The following RBFOX1 variants were observed in gnomAD, a reference collection of about 807,000 sequenced individuals.
RBFOX1 encodes RNA binding fox-1 homolog 1, also known as RNA binding protein fox-1 homolog 1.
RBFOX1 carries 8 observed loss-of-function variants against 57.7 expected under a neutral mutation model. The observed-to-expected ratio is 0.14, with a 90% confidence interval of 0.08 to 0.25. RBFOX1 has a LOEUF of 0.25. RBFOX1 is among the 10% of genes least tolerant of loss of function. The pLI is 1.00. For missense variants in RBFOX1, 611 were observed against 548.5 expected (o/e 1.11, Z -1.14); for synonymous variants, 326 against 222.4 (o/e 1.47, Z -4.15).
intron 2 of RBFOX1, among the ~76,000 whole-genome samples, chr16:6,607,411 C>G (rs944639304): frequency 2.8e-5 from 2 of 72,092 alleles, no homozygotes; most frequent in African/African-American, 1.0e-4. Context: ...GTCTTTCAGT[C>G]TCTCTCCTCT....
intron 4 of RBFOX1, among the ~76,000 whole-genome samples, chr16:7,217,919 A>C (rs1004516836): frequency 6.8e-5 from 10 of 147,464 alleles, no homozygotes; most frequent in Non-Finnish European, 1.5e-4. Flanking sequence ...TGTGTGTGTG[A>C]GTGTAGGTGT....
rs189056512 is a variant in RBFOX1 at position 7,577,156 on chromosome 16, C to T, written c.271-2621C>T. On this transcript the variant is annotated intron_variant, in intron 5 of 15. Coordinates refer to ENST00000550418, the MANE Select transcript of RBFOX1 (RefSeq NM_018723.4). ...TTTATTCGTGTACTAATAATTCATT[C>T]GGTCAGTGAGTGAGCCAACTGTTAA... Among the ~76,000 whole-genome samples the T allele has an allele frequency of 5.3e-5, 8 of 152,310 alleles. No homozygotes were observed. In the East Asian group the frequency reaches 9.6e-4, roughly 18 times the overall value.
chr16:6,961,437 C>G (rs909935036), intron 3 of RBFOX1, among the ~76,000 whole-genome samples: 1 of 152,158 alleles, frequency 6.6e-6, no homozygotes, highest in Admixed American at 6.5e-5. Flanking sequence ...AAGATTGTTG[C>G]TTTTGTTATC....
intron 2 of RBFOX1, among the ~76,000 whole-genome samples, chr16:5,470,160 C>G (rs932650925): frequency 5.9e-5 from 9 of 152,222 alleles, no homozygotes; most frequent in African/African-American, 1.7e-4. Context: ...GCCGAGGTCT[C>G]AAGCCTGCAA....
At chr16:6,770,476 A>C (rs1008028723) in intron 3 of RBFOX1, among the ~76,000 whole-genome samples, 2 of 152,230 alleles carry the variant, frequency 1.3e-5, no homozygotes, top group African/African-American at 4.8e-5. Flanking sequence ...GCTTTTGGGT[A>C]CCACGGCAGA....
At chr16:6,188,558 A>G (rs1461666258) in intron 1 of RBFOX1, among the ~76,000 whole-genome samples, 1 of 152,212 alleles carries the variant, frequency 6.6e-6, no homozygotes, top group Admixed American at 6.5e-5. Flanking sequence ...TGAGGAAAAC[A>G]AAATAACAAT....
rs537465602 is a variant in RBFOX1, at chr16:5,436,855, T to C, written c.220-30361T>C. ...TCCGCTTCAAAAAAAAAAAAAGTTC[T>C]GTCAGATAACTTAAATTTTTGCCTT... is the stretch of plus-strand genomic sequence containing the variant. On this transcript the variant is annotated intron_variant, in intron 1 of 2. Transcript: ENST00000585867. Among the ~76,000 whole-genome samples the C allele has an allele frequency of 2.6e-5, 4 of 152,190 alleles. No homozygotes were observed. In the East Asian group the frequency reaches 5.8e-4, roughly 22 times the overall value.
chr16:7,630,732 C>T (rs1568184976), intron 11 of RBFOX1, 49 bp downstream of exon 11: 1 of 1,610,398 alleles, frequency 6.2e-7, no homozygotes, highest in East Asian at 2.2e-5. Flanking sequence ...AAATCTGAGT[C>T]CAATCACCTT....
At chr16:5,386,000 G>C (rs570298358) in intron 1 of RBFOX1, among the ~76,000 whole-genome samples, 2 of 152,194 alleles carry the variant, frequency 1.3e-5, no homozygotes, top group South Asian at 4.2e-4. Flanking sequence ...GGAAATGAAT[G>C]CCTCTTTTAA....
chr16:5,649,101 A>G (rs1051469312), intron 3 of RBFOX1, among the ~76,000 whole-genome samples: 10 of 152,134 alleles, frequency 6.6e-5, no homozygotes, highest in African/African-American at 2.2e-4. Flanking sequence ...AGATACATAA[A>G]AGCGATTATA....
intron 3 of RBFOX1, among the ~76,000 whole-genome samples, chr16:6,941,265 T>C (rs11866985): frequency 0.95 from 100,510 of 106,256 alleles, 47,735 homozygotes; most frequent in East Asian, 1. Context: ...CCCTCCCATT[T>C]CCTCTCTCCC....
chr16:6,989,334 C>G (rs907554883), intron 3 of RBFOX1, among the ~76,000 whole-genome samples: 2 of 152,158 alleles, frequency 1.3e-5, no homozygotes, highest in Admixed American at 6.5e-5. Context: ...TTCTCTCTGT[C>G]TATCTGTATC....
In RBFOX1 at chr16:5,890,697, GAAAAAAAA is replaced by G. The variant is rs71404558; in HGVS notation, c.351+23379_351+23386del. On this transcript the variant is annotated intron_variant, in intron 4 of 19. Coordinates refer to the RBFOX1 transcript ENST00000641259. ...GGGTGACAGACAGAGAGTCTGTATT[GAAAAAAAA>G]AAAAAAAAAAAAAAAAGTGAAGGTG... Among the ~76,000 whole-genome samples the G allele has an allele frequency of 2.0e-4, 12 of 61,468 alleles. 1 individual carries two copies. Among genetic ancestry groups the G allele is most frequent in the South Asian group, 8.3e-4 (1 of 1,202 alleles). 40.3% of individuals were successfully genotyped at this position (61,468 alleles called of 152,430 possible).
chr16:6,353,842 C>T (rs190252917), intron 2 of RBFOX1, among the ~76,000 whole-genome samples: 1 of 152,164 alleles, frequency 6.6e-6, no homozygotes, highest in Non-Finnish European at 1.5e-5. Context: ...TGACACGTTC[C>T]TGGGCTCTGG....
intron 4 of RBFOX1, among the ~76,000 whole-genome samples, chr16:7,288,334 A>G (rs1228265026): frequency 6.6e-6 from 1 of 152,222 alleles, no homozygotes; most frequent in African/African-American, 2.4e-5. Context: ...TAGAAGATTC[A>G]AGGTGAGAAA....
intron 1 of RBFOX1, among the ~76,000 whole-genome samples, chr16:6,290,815 G>T (rs115729058): frequency 2.6e-5 from 4 of 152,020 alleles, no homozygotes; most frequent in Non-Finnish European, 4.4e-5. Flanking sequence ...CCAGAAAGGG[G>T]TCCAAATCCA....
intron 2 of RBFOX1, among the ~76,000 whole-genome samples, chr16:6,319,214 T>C (rs1367149616): frequency 6.6e-6 from 1 of 152,168 alleles, no homozygotes; most frequent in Non-Finnish European, 1.5e-5. Context: ...TTGTGAAGAA[T>C]GCCATATTTT....
intron 1 of RBFOX1, among the ~76,000 whole-genome samples, chr16:5,298,046 A>G (rs998659937): frequency 5.9e-5 from 9 of 152,010 alleles, no homozygotes; most frequent in African/African-American, 2.2e-4. Flanking sequence ...TTGCAGTCAT[A>G]GTAGTAAACA....
chr16:6,157,903 A>T (rs1044845836), intron 1 of RBFOX1, among the ~76,000 whole-genome samples: 8 of 152,196 alleles, frequency 5.3e-5, no homozygotes, highest in Non-Finnish European at 1.0e-4. Context: ...AGTTGAAAGC[A>T]CCAAGATTAG....
Sources: gnomAD v4.1 joint callset for allele counts (sites outside exome capture counted in the v4.1 genomes callset) on GRCh38, gnomAD v4.1.1 for gene constraint, MANE v1.5 for transcripts, NCBI Gene and HGNC (gene_info 2026-07-23, HGNC 2026-07-21) for gene names.